TRMT11: variants seen among roughly 807,000 people sequenced by gnomAD.
The protein encoded by TRMT11 is tRNA methyltransferase 11, also known as tRNA (guanine(10)-N(2))-methyltransferase TRMT11.
Under a neutral mutation model 62.8 loss-of-function variants are expected in TRMT11, and 53 were observed. The observed-to-expected ratio is 0.84, with a 90% CI of 0.68 to 1.06. TRMT11 has a LOEUF of 1.06. Among genes scored for constraint, TRMT11 ranks in the 50% least tolerant of loss-of-function variants. The probability of loss-of-function intolerance (pLI) is 0.00; values close to 1 mark genes in which losing one functional copy is unlikely to be tolerated. For missense variants in TRMT11, 556 were observed against 553.4 expected, an observed-to-expected ratio of 1.00 and a Z score of -0.05; for synonymous variants, 188 against 190.3, an observed-to-expected ratio of 0.99 and a Z score of 0.10.
intron 17 of TRMT11, among the ~76,000 whole-genome samples, chr6:126,096,591 A>G (rs1251946197): frequency 1.3e-5 from 2 of 151,846 alleles, no homozygotes; most frequent in African/African-American, 2.4e-5. Context: ...TTTAGATAGC[A>G]TGCTCACCAT....
chr6:126,141,390 C>T (rs1233859655), intron 21 of TRMT11, among the ~76,000 whole-genome samples: 1 of 152,126 alleles, frequency 6.6e-6, no homozygotes, highest in Non-Finnish European at 1.5e-5. Flanking sequence ...TGTTTTCACA[C>T]ACATGTTAAA....
At chr6:126,055,122 A>T (rs572331667) in intron 17 of TRMT11, among the ~76,000 whole-genome samples, 16 of 152,136 alleles carry the variant, frequency 1.1e-4, no homozygotes, top group African/African-American at 3.6e-4. Context: ...ATGGCACTTC[A>T]CTCATCTAAG....
chr6:126,178,180 A>G (rs1583900388), intron 1 of TRMT11, among the ~76,000 whole-genome samples: 2 of 152,304 alleles, frequency 1.3e-5, no homozygotes, highest in East Asian at 3.9e-4. Context: ...TAAAGTTTTT[A>G]TGGTAGGCAC....
intron 17 of TRMT11, among the ~76,000 whole-genome samples, chr6:126,093,827 T>G (rs1777310473): frequency 6.6e-6 from 1 of 151,582 alleles, no homozygotes; most frequent in Non-Finnish European, 1.5e-5. Context: ...ATTTAGCAAC[T>G]TCATAGGGAA....
chr6:126,093,631 A>ATATATATTTTTTTTT (rs1554236842), intron 17 of TRMT11, among the ~76,000 whole-genome samples: 8 of 98,016 alleles, frequency 8.2e-5, no homozygotes, highest in African/African-American at 3.1e-4. Context: ...ATATATATAT[A>ATATATATTTTTTTTT]TTTTCCCCCA....
At chr6:126,152,352 C>T (rs1391767850) in intron 21 of TRMT11, among the ~76,000 whole-genome samples, 1 of 150,722 alleles carries the variant, frequency 6.6e-6, no homozygotes. Flanking sequence ...TGTTGAAGAA[C>T]AGGATAGTGG....
At chr6:126,094,509 A>T (rs901689408) in intron 17 of TRMT11, among the ~76,000 whole-genome samples, 1 of 152,170 alleles carries the variant, frequency 6.6e-6, no homozygotes, top group African/African-American at 2.4e-5. Context: ...ATAGAGAAAG[A>T]AAAAACCTTT....
the TRMT11 span, among the ~76,000 whole-genome samples, chr6:126,212,391 G>A: frequency 0.026 from 3,887 of 152,208 alleles, 178 homozygotes; most frequent in African/African-American, 0.089. Flanking sequence ...TCCTCCAACA[G>A]TGCAGTAGGG....
chr6:126,255,613 A>G, the TRMT11 span, among the ~76,000 whole-genome samples: 1 of 152,200 alleles, frequency 6.6e-6, no homozygotes, highest in African/African-American at 2.4e-5. Context: ...AAACCCAGCC[A>G]TGAAATGTCA....
chr6:125,999,991 C>T (rs1330849995), intron 7 of TRMT11, among the ~76,000 whole-genome samples: 6 of 152,280 alleles, frequency 3.9e-5, no homozygotes, highest in South Asian at 4.1e-4. Flanking sequence ...TGTATTCATC[C>T]AGTTTAAATG....
chr6:125,996,129 A>G, intron 3 of TRMT11, 89 bp downstream of exon 3: 1 of 891,476 alleles, frequency 1.1e-6, no homozygotes, highest in Non-Finnish European at 1.8e-6. Flanking sequence ...GGCAGTGTGA[A>G]GGCTCAGTTT....
intron 12 of TRMT11, among the ~76,000 whole-genome samples, chr6:126,024,680 A>G (rs537832242): frequency 2.8e-4 from 43 of 152,354 alleles, no homozygotes; most frequent in African/African-American, 1.0e-3. Context: ...ATTTTAGGGT[A>G]GAACAGAATT....
chr6:126,151,385 T>C (rs1778035671), intron 21 of TRMT11, among the ~76,000 whole-genome samples: 1 of 152,228 alleles, frequency 6.6e-6, no homozygotes, highest in South Asian at 2.1e-4. Flanking sequence ...TTGGCTTCAA[T>C]ATTTTTTAAG....
chr6:126,061,210 A>G (rs986736793), intron 17 of TRMT11, among the ~76,000 whole-genome samples: 1 of 152,240 alleles, frequency 6.6e-6, no homozygotes, highest in African/African-American at 2.4e-5. Context: ...GCCCCACATC[A>G]GACCTACCAA....
At chr6:126,109,124 T>C (rs1236365466) in intron 17 of TRMT11, among the ~76,000 whole-genome samples, 1 of 152,194 alleles carries the variant, frequency 6.6e-6, no homozygotes, top group African/African-American at 2.4e-5. Flanking sequence ...GTGTGTGTTT[T>C]CTAAGAAAAA....
the TRMT11 span, among the ~76,000 whole-genome samples, chr6:126,270,075 A>G: frequency 1.1e-4 from 16 of 152,210 alleles, no homozygotes; most frequent in African/African-American, 3.6e-4. Flanking sequence ...GGAATGGAAT[A>G]CAAGCAGTAT....
intron 8 of TRMT11, among the ~76,000 whole-genome samples, chr6:126,010,946 A>C (rs1193265984): frequency 6.6e-6 from 1 of 152,178 alleles, no homozygotes; most frequent in African/African-American, 2.4e-5. Context: ...GCTGGAAGAA[A>C]GGAACCATAT....
rs569153636 is a variant in TRMT11 at position 126,016,308 on chromosome 6, T to C, written c.1139+3207T>C. ...TATTCATTGGGTTGTAATTTATTAG[T>C]AGCAGTATTTTGTTGCTCAAATTGT... On this transcript the variant is annotated intron_variant, in intron 11 of 12. Coordinates refer to ENST00000334379, the MANE Select transcript of TRMT11 (RefSeq NM_001031712.3). Among the ~76,000 whole-genome samples, 13 of 152,312 alleles carry C rather than the reference T, an allele frequency of 8.5e-5. No homozygotes were observed. The South Asian group carries it at 2.7e-3, about 32-fold the overall frequency.
At chr6:126,104,638 T>C (rs1285641038) in intron 17 of TRMT11, among the ~76,000 whole-genome samples, 1 of 152,202 alleles carries the variant, frequency 6.6e-6, no homozygotes, top group Non-Finnish European at 1.5e-5. Context: ...CTAAGAATTA[T>C]TGCATGACAT....
Sources: allele counts gnomAD v4.1 joint callset (sites outside exome capture counted in the v4.1 genomes callset), GRCh38; gene constraint gnomAD v4.1.1; transcripts MANE v1.5; gene names NCBI Gene and HGNC (gene_info 2026-07-23, HGNC 2026-07-21).